Variants in CRACD observed in about 807,000 individuals in gnomAD.
CRACD encodes the protein capping protein inhibiting regulator of actin dynamics, also known as capping protein-inhibiting regulator of actin dynamics.
A neutral mutation model predicts 106.8 loss-of-function variants in CRACD; 56 were observed. That is an observed-to-expected ratio of 0.52 (90% confidence interval 0.42 to 0.66). The LOEUF is 0.66. CRACD is among the 30% of genes least tolerant of loss of function. The pLI, the probability that CRACD is intolerant of heterozygous loss-of-function variation, is 0.00. For synonymous variants in CRACD, 754 were observed against 670.8 expected, an observed-to-expected ratio of 1.12 and a Z score of -1.92; for missense variants, 1,730 against 1,623.2, an observed-to-expected ratio of 1.07 and a Z score of -1.13.
intron 2 of CRACD, among the ~76,000 whole-genome samples, chr4:56,189,758 A>G (rs1737276799): frequency 2.0e-5 from 3 of 150,430 alleles, no homozygotes; most frequent in Admixed American, 2.0e-4. Context: ...ATAGTATTCC[A>G]TGGTGAATAT....
intron 2 of CRACD, among the ~76,000 whole-genome samples, chr4:56,233,208 C>A (rs949403488): frequency 3.3e-5 from 5 of 152,074 alleles, no homozygotes; most frequent in Non-Finnish European, 7.4e-5. Flanking sequence ...TTATCAATAT[C>A]TTCTCCAAGT....
chr4:56,289,294 T>C (rs369338892), intron 3 of CRACD, among the ~76,000 whole-genome samples: 1 of 152,236 alleles, frequency 6.6e-6, no homozygotes, highest in East Asian at 1.9e-4. Flanking sequence ...TTTATCGTAA[T>C]AAAATCTTGA....
rs372236963 is a variant in CRACD at position 56,200,096 on chromosome 4, T to C, written c.-189+20666T>C. On this transcript the variant is annotated intron_variant, in intron 2 of 10. Coordinates refer to ENST00000682029, the MANE Select transcript of CRACD (RefSeq NM_001393381.1). ...CCTTTATGTTGGTGATCACACTGGC[T>C]TCTCTTTGAGCATCCTAGATGCAGT... Among the ~76,000 whole-genome samples, 14 of 151,478 alleles carry C rather than the reference T, an allele frequency of 9.2e-5. 1 individual carries two copies. The South Asian group carries it at 3.0e-3, about 32-fold the overall frequency.
chr4:56,246,872 A>G (rs1740712613), intron 2 of CRACD, among the ~76,000 whole-genome samples: 1 of 152,208 alleles, frequency 6.6e-6, no homozygotes, highest in African/African-American at 2.4e-5. Flanking sequence ...GAATCCCCCA[A>G]CATTGTTATT....
chr4:56,204,112 C>G (rs1050386220), intron 2 of CRACD, among the ~76,000 whole-genome samples: 1 of 152,216 alleles, frequency 6.6e-6, no homozygotes, highest in African/African-American at 2.4e-5. Context: ...TACCTGCCTC[C>G]AGCATTCTTG....
chr4:56,223,128 G>T (rs761665484), intron 2 of CRACD, among the ~76,000 whole-genome samples: 1 of 151,384 alleles, frequency 6.6e-6, no homozygotes, highest in South Asian at 2.1e-4. Context: ...TTGACAGTAG[G>T]CAAGAGATAA....
At chr4:56,109,024 ACTC>A (rs2109839948) in intron 1 of CRACD, among the ~76,000 whole-genome samples, 1 of 152,002 alleles carries the variant, frequency 6.6e-6, no homozygotes, top group African/African-American at 2.4e-5. Context: ...GTGTTCTCTG[ACTC>A]CTCCAAGGAA....
chr4:56,126,642 T>C (rs1334288142), intron 1 of CRACD, among the ~76,000 whole-genome samples: 1 of 152,228 alleles, frequency 6.6e-6, no homozygotes, highest in Non-Finnish European at 1.5e-5. Context: ...TTTTGAGTCT[T>C]AGCCCATTTT....
At chr4:56,214,675 C>CTATATATA (rs1326712395) in intron 2 of CRACD, among the ~76,000 whole-genome samples, 17 of 70,212 alleles carry the variant, frequency 2.4e-4, no homozygotes, top group African/African-American at 8.4e-4. Flanking sequence ...CTCTCTCTCT[C>CTATATATA]TCTCTCTATA....
chr4:56,315,004 C>T lies in CRACD; in HGVS notation c.1502C>T (p.Ala501Val). Residue 501 changes from alanine to valine, a missense_variant, in exon 8 of 11, where the codon GCG becomes GTG. Physicochemically the swap from Ala to Val is moderately conservative, Grantham distance 64. This residue lies in a region of CRACD where 1,620 missense variants were observed against 1,481.6 expected (regional missense o/e 1.09). Coordinates refer to ENST00000682029, the MANE Select transcript of CRACD (RefSeq NM_001393381.1). This position sits in a 1 kb window ranked among gnomAD's most constrained non-coding sequence, Gnocchi z 4.1. ...LLKQEGPVEA[A>V]QPPVERKEAA... ...AAACAAGAGGGGCCGGTGGAAGCCG[C>T]GCAGCCTCCGGTGGAGAGGAAAGAA... 6.3e-7 allele frequency: 1 copy of T among 1,586,994 alleles called. No homozygotes were observed.
chr4:56,207,630 G>A (rs1182918219), intron 2 of CRACD, among the ~76,000 whole-genome samples: 3 of 151,642 alleles, frequency 2.0e-5, no homozygotes, highest in African/African-American at 4.8e-5. Flanking sequence ...GTACACACAC[G>A]AGACCCCTTT....
Position 56,294,774 on chromosome 4 carries a change from C to T in CRACD, c.-16-3440C>T, listed in dbSNP as rs566646421. ...ACCAAAAATACAAAAATTAACCAGG[C>T]GTGGTGGTGGGCACCTGTAATCTGA... On this transcript the variant is annotated intron_variant, in intron 3 of 10. Coordinates refer to ENST00000682029, the MANE Select transcript of CRACD (RefSeq NM_001393381.1). Among the ~76,000 whole-genome samples the T allele has an allele frequency of 5.3e-5, 8 of 151,708 alleles. No individual in the cohort carries two copies. In the East Asian group the frequency reaches 5.8e-4, roughly 11 times the overall value.
intron 2 of CRACD, among the ~76,000 whole-genome samples, 200 bp from the exon 3 acceptor site, chr4:56,272,121 C>T (rs980722175): frequency 2.0e-5 from 3 of 152,230 alleles, no homozygotes; most frequent in Admixed American, 6.5e-5. Context: ...GCCTTTGGCT[C>T]GTGCTCTGCC....
intron 1 of CRACD, among the ~76,000 whole-genome samples, chr4:56,105,715 T>C (rs1391370040): frequency 2.0e-5 from 3 of 152,214 alleles, no homozygotes; most frequent in Non-Finnish European, 4.4e-5. Flanking sequence ...CAGCATCCTT[T>C]CTGACCTTTA....
chr4:56,092,359 G>A (rs9994190), intron 1 of CRACD, among the ~76,000 whole-genome samples: 1 of 152,260 alleles, frequency 6.6e-6, no homozygotes, highest in Non-Finnish European at 1.5e-5. Context: ...AGTCGGTGTG[G>A]TAGAGACCTG....
chr4:56,172,544 C>G (rs1736413941), intron 1 of CRACD, among the ~76,000 whole-genome samples: 2 of 152,218 alleles, frequency 1.3e-5, no homozygotes, highest in Admixed American at 6.5e-5. Flanking sequence ...CTCACCGCAA[C>G]CCCTGCCTCC....
intron 1 of CRACD, among the ~76,000 whole-genome samples, chr4:56,117,106 T>C (rs1734320446): frequency 1.3e-5 from 2 of 150,254 alleles, no homozygotes; most frequent in Non-Finnish European, 3.0e-5. Flanking sequence ...CTGCAAGCTC[T>C]GCCTCCTGGG....
intron 8 of CRACD, among the ~76,000 whole-genome samples, chr4:56,319,588 A>G (rs1200482687): frequency 6.6e-6 from 1 of 151,780 alleles, no homozygotes; most frequent in Admixed American, 6.6e-5. Flanking sequence ...TGGGTGACAG[A>G]GTGAGACCCT....
At chr4:56,203,272 T>C (rs1737965590) in intron 2 of CRACD, among the ~76,000 whole-genome samples, 1 of 152,226 alleles carries the variant, frequency 6.6e-6, no homozygotes, top group African/African-American at 2.4e-5. Context: ...TGGCCAGGTA[T>C]GGAAGGGACC....
Sources: allele counts gnomAD v4.1 joint callset (sites outside exome capture counted in the v4.1 genomes callset), GRCh38; gene constraint gnomAD v4.1.1; regional missense constraint gnomAD v4.1.1; non-coding constraint Gnocchi (gnomAD v3.1); transcripts MANE v1.5; gene names NCBI Gene and HGNC (gene_info 2026-07-23, HGNC 2026-07-21).